Variants in PPP3CA observed in about 807,000 individuals in gnomAD.
The protein encoded by PPP3CA is CAM-PRP catalytic subunit.
A neutral mutation model predicts 66.5 loss-of-function variants in PPP3CA; 14 were observed. The observed-to-expected ratio is 0.21, with a 90% CI of 0.14 to 0.33. PPP3CA has a LOEUF of 0.33. PPP3CA is among the 10% of genes least tolerant of loss of function. PPP3CA has a pLI of 1.00. For missense variants in PPP3CA, 317 were observed against 639.5 expected, an observed-to-expected ratio of 0.50 and a Z score of 5.44; for synonymous variants, 232 against 226.2, an observed-to-expected ratio of 1.03 and a Z score of -0.23.
intron 1 of PPP3CA, among the ~76,000 whole-genome samples, chr4:101,208,218 A>C (rs1202818166): frequency 6.6e-6 from 1 of 151,764 alleles, no homozygotes; most frequent in East Asian, 2.0e-4. Flanking sequence ...AGGATATGTT[A>C]AGTGAAAAGT....
intron 1 of PPP3CA, among the ~76,000 whole-genome samples, chr4:101,202,426 T>A (rs1724996283): frequency 6.6e-6 from 1 of 152,162 alleles, no homozygotes; most frequent in Admixed American, 6.5e-5. Flanking sequence ...CAATTAGGTT[T>A]AACTTATATT....
intron 2 of PPP3CA, among the ~76,000 whole-genome samples, chr4:101,144,093 G>A (rs992819708): frequency 4.6e-5 from 7 of 152,088 alleles, no homozygotes; most frequent in Admixed American, 2.0e-4. Flanking sequence ...CACCACTGCT[G>A]TTGCCACTAT....
chr4:101,045,601 A>C (rs186669408), intron 10 of PPP3CA, among the ~76,000 whole-genome samples: 1 of 152,324 alleles, frequency 6.6e-6, no homozygotes, highest in Non-Finnish European at 1.5e-5. Context: ...AAAACTCCAC[A>C]TTATGGTCAG....
rs1726491085 is a variant in PPP3CA at position 101,023,770 on chromosome 4, CTTA to C, written c.*2092_*2094del. 1.3e-5 allele frequency: 2 copies of C among 152,580 alleles called. No homozygotes were observed. Among genetic ancestry groups the C allele is most frequent in the South Asian group, 4.1e-4 (2 of 4,828 alleles). The allele number at this position is 152,580 out of a possible 1,614,324, so 9.5% of individuals were successfully genotyped here. A position where few individuals can be genotyped will look rare whatever the true frequency, so the allele number is the denominator to read the frequency against. On this transcript the variant is annotated 3_prime_UTR_variant, in exon 14 of 14. Transcript: ENST00000394854. ...ATGCTATATCGCTAATTGCCATATT[CTTA>C]TTATTTAATATAACAGGCATACTTT...
At chr4:101,314,569 C>CAAAAAAAAA (rs748980814) in intron 1 of PPP3CA, among the ~76,000 whole-genome samples, 25 of 75,202 alleles carry the variant, frequency 3.3e-4, no homozygotes, top group Admixed American at 8.6e-4. Flanking sequence ...ATCTCAAAAC[C>CAAAAAAAAA]AAAAAAAAAA....
At chr4:101,300,669 C>T (rs1035192068) in intron 1 of PPP3CA, among the ~76,000 whole-genome samples, 2 of 152,082 alleles carry the variant, frequency 1.3e-5, no homozygotes, top group East Asian at 1.9e-4. Flanking sequence ...TGGTGACACA[C>T]GCCTGCAGTT....
chr4:101,293,132 T>G (rs964593217), intron 1 of PPP3CA, among the ~76,000 whole-genome samples: 1 of 152,196 alleles, frequency 6.6e-6, no homozygotes, highest in Non-Finnish European at 1.5e-5. Context: ...ACACTCACAA[T>G]GTGGTCAATG....
intron 2 of PPP3CA, among the ~76,000 whole-genome samples, chr4:101,175,704 A>G (rs1186735654): frequency 6.6e-6 from 1 of 152,154 alleles, no homozygotes; most frequent in African/African-American, 2.4e-5. Context: ...GTTGATGAGA[A>G]AGAAGCAGGT....
chr4:101,133,229 A>G (rs762054538), intron 2 of PPP3CA, among the ~76,000 whole-genome samples: 15 of 152,166 alleles, frequency 9.9e-5, no homozygotes, highest in Non-Finnish European at 2.1e-4. Context: ...TACTCAACAT[A>G]GTACTGGAAG....
intron 6 of PPP3CA, among the ~76,000 whole-genome samples, chr4:101,090,853 ATAATATACACACATATC>A (rs1560596648): frequency 1.4e-5 from 2 of 147,900 alleles, no homozygotes; most frequent in Non-Finnish European, 3.0e-5. Flanking sequence ...TGTCTATATT[ATAATATACACACATATC>A]TGTGTCTATA....
At chr4:101,288,072 T>C (rs1359757345) in intron 1 of PPP3CA, among the ~76,000 whole-genome samples, 2 of 152,112 alleles carry the variant, frequency 1.3e-5, no homozygotes, top group African/African-American at 2.4e-5. Flanking sequence ...GATATAAAAA[T>C]AGGAGTCTGA....
intron 3 of PPP3CA, among the ~76,000 whole-genome samples, chr4:101,103,451 A>G (rs865834145): frequency 7.2e-5 from 11 of 152,186 alleles, no homozygotes; most frequent in Middle Eastern, 3.2e-3. Context: ...GCAGTGGAAG[A>G]GCAATGCACT....
chr4:101,218,022 T>C (rs933834879), intron 1 of PPP3CA, among the ~76,000 whole-genome samples: 1 of 152,052 alleles, frequency 6.6e-6, no homozygotes, highest in Non-Finnish European at 1.5e-5. Context: ...AGAAATGAAA[T>C]AGTCTTATTA....
intron 1 of PPP3CA, among the ~76,000 whole-genome samples, chr4:101,224,985 G>T (rs10024991): frequency 0.011 from 1,741 of 151,660 alleles, 39 homozygotes; most frequent in African/African-American, 0.038. Flanking sequence ...TCTCCTCTCC[G>T]AAATTCCCAG....
At chr4:101,293,537 A>C (rs1560702462) in intron 1 of PPP3CA, among the ~76,000 whole-genome samples, 1 of 152,228 alleles carries the variant, frequency 6.6e-6, no homozygotes, top group African/African-American at 2.4e-5. Context: ...AATGGCCCAC[A>C]ACTTCCCTTA....
chr4:101,059,032 A>G (rs965611352), intron 10 of PPP3CA, among the ~76,000 whole-genome samples: 6 of 152,278 alleles, frequency 3.9e-5, no homozygotes, highest in Admixed American at 2.6e-4. Context: ...TATTAATGTT[A>G]ATCTTTCTTT....
At chr4:101,104,376 T>C (rs530578888) in intron 3 of PPP3CA, among the ~76,000 whole-genome samples, 36 of 152,316 alleles carry the variant, frequency 2.4e-4, no homozygotes, top group Admixed American at 2.3e-3. Flanking sequence ...TCAGATTATA[T>C]AGATAGGGAG....
At chr4:101,236,392 C>T (rs984843175) in intron 1 of PPP3CA, among the ~76,000 whole-genome samples, 15 of 151,870 alleles carry the variant, frequency 9.9e-5, no homozygotes, top group Non-Finnish European at 2.1e-4. Flanking sequence ...TGAAAGAAAC[C>T]ATGTAAACTT....
intron 1 of PPP3CA, among the ~76,000 whole-genome samples, chr4:101,248,153 T>G (rs1226111359): frequency 2.6e-5 from 4 of 152,202 alleles, no homozygotes; most frequent in Non-Finnish European, 5.9e-5. Flanking sequence ...CAAAAAGTTT[T>G]ACTACATGAC....
Sources: gnomAD v4.1 joint callset for allele counts (sites outside exome capture counted in the v4.1 genomes callset) on GRCh38, gnomAD v4.1.1 for gene constraint, MANE v1.5 for transcripts, NCBI Gene and HGNC (gene_info 2026-07-23, HGNC 2026-07-21) for gene names.